FGD2: variants seen among roughly 807,000 people sequenced by gnomAD.
The protein encoded by FGD2 is FYVE, RhoGEF and PH domain-containing protein 2.
Under a neutral mutation model 75.9 loss-of-function variants are expected in FGD2, and 52 were observed. The ratio of observed to expected loss-of-function variants is 0.69; its 90% CI spans 0.55 to 0.86. The LOEUF is 0.86. Ranked by LOEUF, FGD2 falls within the 40% of genes least tolerant of loss-of-function variation. The pLI is 0.00. For missense variants in FGD2, 790 were observed against 872.0 expected (o/e 0.91, Z 1.18); for synonymous variants, 347 against 348.6 (o/e 1.00, Z 0.05).
In FGD2 at chr6:37,022,234, C is replaced by T; in HGVS notation, c.1327-5C>T. On this transcript the variant is annotated splice_polypyrimidine_tract_variant and splice_region_variant and intron_variant, in intron 12 of 15. Transcript: ENST00000274963. ...CATTCCTGCCCAACTCCCCTTAACCCACAGCTGCAGTCTGAGGAGCTGGGC... is the reference window on the plus strand; with the variant it reads ...CATTCCTGCCCAACTCCCCTTAACCTACAGCTGCAGTCTGAGGAGCTGGGC... 6.3e-7 allele frequency: 1 copy of T among 1,599,342 alleles called. No individual in the cohort carries two copies. The highest frequency in any genetic ancestry group is 8.5e-7 in the Non-Finnish European group (1 of 1,172,494).
Position 37,008,994 on chromosome 6 carries a change from A to C in FGD2, c.229A>C (p.Lys77Gln), listed in dbSNP as rs190281300. The C allele has an allele frequency of 6.2e-7, 1 of 1,614,250 alleles. No homozygotes were observed. Among genetic ancestry groups the C allele is most frequent in the African/African-American group, 1.3e-5 (1 of 75,052 alleles). Reference sequence around the variant, plus strand: ...CAGCAGGAGGTACCTGAACTCCCTGAAGAACAAGCTGTCCAGCGAAGCCTG... The same window carrying C: ...CAGCAGGAGGTACCTGAACTCCCTGCAGAACAAGCTGTCCAGCGAAGCCTG... ...TVSRRYLNSL[K>Q]NKLSSEAWRK... The change falls in exon 2 of 16, where the codon AAG becomes CAG. Residue 77 changes from lysine to glutamine, a missense_variant. Lys to Gln is a moderately conservative substitution (Grantham distance 53). Transcript: ENST00000274963.
At chr6:37,011,571 G>T in intron 3 of FGD2, 135 bp from the exon 4 acceptor site, 1 of 1,212,798 alleles carries the variant, frequency 8.2e-7, no homozygotes. Flanking sequence ...TTCTTTTCCC[G>T]GGGTTGCTGT....
At chr6:37,023,091 G>GC (rs1484371885) in intron 13 of FGD2, 3 of 155,230 alleles carry the variant, frequency 1.9e-5, no homozygotes, top group Non-Finnish European at 1.5e-5. Context: ...CTCAGGCCTT[G>GC]CCCCACCACC....
chr6:37,011,308 C>T (rs1753290), intron 3 of FGD2: 134,072 of 577,290 alleles, frequency 0.23, 17,302 homozygotes, highest in East Asian at 0.47. Flanking sequence ...CCTTGCTGGC[C>T]TACACGGTAT....
At chr6:37,022,615 C>T (rs1765645135) in intron 13 of FGD2, 6 of 474,272 alleles carry the variant, frequency 1.3e-5, no homozygotes, top group Non-Finnish European at 2.1e-5. Context: ...ACTTGATCCA[C>T]CTAGGCCTCC....
At chr6:37,012,572 C>T (rs1021132182) in intron 4 of FGD2, among the ~76,000 whole-genome samples, 1 of 151,724 alleles carries the variant, frequency 6.6e-6, no homozygotes, top group Admixed American at 6.6e-5. Flanking sequence ...CTTAGCCGGG[C>T]ATGGTAGCAG....
intron 1 of FGD2, 33 bp downstream of exon 1, chr6:37,005,918 G>A: frequency 6.2e-7 from 1 of 1,608,922 alleles, no homozygotes; most frequent in Non-Finnish European, 8.5e-7. Context: ...GGTCACCATG[G>A]TGGGCTGGCA....
At chr6:37,014,563 C>G in intron 6 of FGD2, 83 bp from the exon 7 acceptor site, 1 of 1,519,702 alleles carries the variant, frequency 6.6e-7, no homozygotes, top group Non-Finnish European at 9.0e-7. Context: ...TCCTGAGGGC[C>G]CTTTGTTGAA....
chr6:37,006,355 G>A (rs757451564), intron 1 of FGD2, among the ~76,000 whole-genome samples: 5 of 152,216 alleles, frequency 3.3e-5, no homozygotes, highest in Non-Finnish European at 5.9e-5. Flanking sequence ...AAACCAGGAT[G>A]TACGGGCAGC....
intron 5 of FGD2, 83 bp downstream of exon 5, chr6:37,013,848 TCCCAGGCTCAGCTGCTTCCATAGG>T: frequency 6.3e-7 from 1 of 1,588,592 alleles, no homozygotes. Context: ...TCCGGGCATC[TCCCAGGCTCAGCTGCTTCCATAGG>T]CCCCTGCCTA....
chr6:37,022,933 C>T (rs1333525635), intron 13 of FGD2: 1 of 155,432 alleles, frequency 6.4e-6, no homozygotes, highest in African/African-American at 2.4e-5. Flanking sequence ...AAATGAGACC[C>T]ATTGAGGTTA....
intron 11 of FGD2, 107 bp downstream of exon 11, chr6:37,020,846 T>C: frequency 6.8e-7 from 1 of 1,471,058 alleles, no homozygotes; most frequent in Middle Eastern, 2.3e-4. Context: ...GGATTCTCCC[T>C]AGCCTATTTG....
At chr6:37,025,217 G>A (rs1371577385) in intron 13 of FGD2, 1 of 153,550 alleles carries the variant, frequency 6.5e-6, no homozygotes, top group Non-Finnish European at 1.5e-5. Flanking sequence ...TCATTTTTAG[G>A]TGAAAACACA....
Position 37,008,864 on chromosome 6 carries a change from G to T in FGD2, c.99G>T (p.Arg33Ser). Residue 33 changes from arginine (R) to serine (S), a missense_variant, in exon 2 of 16, where the codon AGG becomes AGT. Physicochemically the swap from Arg to Ser is moderately radical, Grantham distance 110. Transcript: ENST00000274963. ...CAGAAGCAGCACCCAGAGGCCAGAG[G>T]CTAGAGGACGTGCATCACCGCCCTG... ...RTPEAAPRGQRLEDVHHRPEC... is the reference protein window; with the variant it reads ...RTPEAAPRGQSLEDVHHRPEC... 6.2e-7 allele frequency: 1 copy of T among 1,610,866 alleles called. No homozygotes were observed. Among genetic ancestry groups the T allele is most frequent in the African/African-American group, 1.3e-5 (1 of 74,986 alleles).
intron 6 of FGD2, 90 bp from the exon 7 acceptor site, chr6:37,014,556 T>C (rs1583302811): frequency 1.0e-5 from 15 of 1,469,914 alleles, no homozygotes; most frequent in East Asian, 2.3e-5. Flanking sequence ...TGGCAGGTCC[T>C]GAGGGCCCTT....
Position 37,025,783 on chromosome 6 carries a change from C to T in FGD2, c.1459-9C>T, listed in dbSNP as rs1765790784. 6.2e-7 allele frequency: 1 copy of T among 1,614,026 alleles called. No homozygotes were observed. Among genetic ancestry groups the T allele is most frequent in the South Asian group, 1.1e-5 (1 of 91,084 alleles). On this transcript the variant is annotated splice_polypyrimidine_tract_variant and intron_variant, in intron 13 of 15. Transcript: ENST00000274963. The stretch of plus-strand genomic sequence containing the variant: ...CTCAGCCCCATGCCCCCTTATGTGT[C>T]CTCCTCAGGTGGTGTGTGCCAGGTG...
chr6:37,014,527 C>T, intron 6 of FGD2, 119 bp from the exon 7 acceptor site: 5 of 1,166,824 alleles, frequency 4.3e-6, no homozygotes, highest in Non-Finnish European at 6.1e-6. Context: ...ACAGGCAGGG[C>T]TGCTCCTGGG....
intron 11 of FGD2, 69 bp downstream of exon 11, chr6:37,020,808 G>A: frequency 1.9e-6 from 3 of 1,542,502 alleles, no homozygotes; most frequent in South Asian, 1.2e-5. Flanking sequence ...TTCTTTCTTG[G>A]TACTAGACTA....
At chr6:37,009,168 G>A in intron 2 of FGD2, 103 bp downstream of exon 2, 2 of 1,164,132 alleles carry the variant, frequency 1.7e-6, no homozygotes, top group Non-Finnish European at 2.4e-6. Flanking sequence ...AGTTCCCCAG[G>A]TGGGGGTATG....
Sources: allele counts gnomAD v4.1 joint callset (sites outside exome capture counted in the v4.1 genomes callset), GRCh38; gene constraint gnomAD v4.1.1; transcripts MANE v1.5; gene names NCBI Gene and HGNC (gene_info 2026-07-23, HGNC 2026-07-21).